ATRNL1: variants seen among roughly 807,000 people sequenced by gnomAD.
ATRNL1 encodes the protein attractin-like protein 1.
In ATRNL1, 95 loss-of-function variants were observed where a neutral mutation model predicts 182.7. That is an observed-to-expected ratio of 0.52 (90% confidence interval 0.44 to 0.62). The LOEUF is 0.62. Ranked by LOEUF, ATRNL1 falls within the 20% of genes least tolerant of loss-of-function variation. The pLI is 0.00. For missense variants in ATRNL1, 1,471 were observed against 1,679.5 expected (o/e 0.88, Z 2.17); for synonymous variants, 576 against 568.3 (o/e 1.01, Z -0.19).
At chr10:115,630,962 G>GCCAGACAC (rs1404872732) in intron 26 of ATRNL1, among the ~76,000 whole-genome samples, 2 of 150,628 alleles carry the variant, frequency 1.3e-5, no homozygotes, top group African/African-American at 4.9e-5. Flanking sequence ...AGTGAAATAA[G>GCCAGACAC]CCAGACACCA....
At chr10:115,123,364 C>G (rs746955436) in intron 3 of ATRNL1, among the ~76,000 whole-genome samples, 3 of 152,144 alleles carry the variant, frequency 2.0e-5, no homozygotes, top group African/African-American at 7.2e-5. Flanking sequence ...AAGTTATTTG[C>G]TTCTAATAGA....
At chr10:115,537,093 C>T (rs542808403) in intron 25 of ATRNL1, among the ~76,000 whole-genome samples, 4 of 152,176 alleles carry the variant, frequency 2.6e-5, no homozygotes, top group African/African-American at 4.8e-5. Context: ...TAGGAATTTT[C>T]TCCATGGTTT....
chr10:115,265,233 T>C lies in ATRNL1; in HGVS notation c.1728T>C (p.His576=). ...AAATACTACCAAAACCAAATCTTCA[T>C]AGAGATGTCAACAGATTTGGACACT... ...EWKILPKPNL[H]RDVNRFGHSA... The change falls in exon 11 of 29, where the codon CAT becomes CAC. Residue 576 remains histidine (H), a synonymous_variant. Transcript: ENST00000355044. 2 of 1,609,306 alleles carry C rather than the reference T, an allele frequency of 1.2e-6. No homozygotes were observed. Among genetic ancestry groups the C allele is most frequent in the African/African-American group, 1.3e-5 (1 of 74,886 alleles).
intron 26 of ATRNL1, among the ~76,000 whole-genome samples, chr10:115,608,732 C>T (rs1342929932): frequency 6.6e-6 from 1 of 151,682 alleles, no homozygotes; most frequent in African/African-American, 2.4e-5. Flanking sequence ...ATTATGAAAA[C>T]GTTAGTTCTT....
intron 26 of ATRNL1, among the ~76,000 whole-genome samples, chr10:115,694,665 A>C (rs190503181): frequency 2.6e-5 from 4 of 152,232 alleles, no homozygotes; most frequent in African/African-American, 9.6e-5. Flanking sequence ...GCTTATTTAA[A>C]CATGATTTGA....
At position 115,676,584 on chromosome 10, in the gene ATRNL1, G is replaced by GTATATATA. The variant is rs143315406; in HGVS notation, c.3796-50656_3796-50649dup. Among the ~76,000 whole-genome samples, 465 of 150,232 alleles carry GTATATATA rather than the reference G, an allele frequency of 3.1e-3. 4 individuals carry two copies. The highest frequency in any genetic ancestry group is 0.011 in the African/African-American group (454 of 41,068). ...ATTATCTACAACTGTATCTGTATAT[G>GTATATATA]TATATATATATATATTTATGATTCA... On this transcript the variant is annotated intron_variant, in intron 26 of 28. Coordinates refer to ENST00000355044, the MANE Select transcript of ATRNL1 (RefSeq NM_207303.4).
intron 15 of ATRNL1, among the ~76,000 whole-genome samples, chr10:115,292,809 A>G (rs970236183): frequency 2.0e-5 from 3 of 152,090 alleles, no homozygotes; most frequent in East Asian, 3.8e-4. Flanking sequence ...AATGTTCCAC[A>G]TGCTGATGAA....
chr10:115,547,261 A>ATATATAT (rs1417204395), intron 25 of ATRNL1, among the ~76,000 whole-genome samples: 1 of 138,380 alleles, frequency 7.2e-6, no homozygotes, highest in Non-Finnish European at 1.5e-5. Flanking sequence ...TCTCAAAAAA[A>ATATATAT]AAATATATAT....
intron 8 of ATRNL1, among the ~76,000 whole-genome samples, chr10:115,197,691 C>T (rs1235277125): frequency 6.6e-6 from 1 of 152,052 alleles, no homozygotes; most frequent in Non-Finnish European, 1.5e-5. Flanking sequence ...CTGGGGAATC[C>T]ATATGTAGGA....
At chr10:115,589,391 T>C (rs1405774072) in intron 26 of ATRNL1, among the ~76,000 whole-genome samples, 1 of 152,172 alleles carries the variant, frequency 6.6e-6, no homozygotes, top group Non-Finnish European at 1.5e-5. Flanking sequence ...TTATTCACAT[T>C]ATTTTACAAT....
At chr10:115,852,739 G>T (rs1555100846) in intron 28 of ATRNL1, among the ~76,000 whole-genome samples, 1 of 152,164 alleles carries the variant, frequency 6.6e-6, no homozygotes. Flanking sequence ...TAAATCCAGA[G>T]TCAAGGAGGA....
At chr10:115,097,974 G>T (rs1172947887) in intron 1 of ATRNL1, among the ~76,000 whole-genome samples, 1 of 152,060 alleles carries the variant, frequency 6.6e-6, no homozygotes, top group African/African-American at 2.4e-5. Context: ...ATATATATAT[G>T]CATATGTAAA....
chr10:115,892,339 T>C (rs1459488417), intron 28 of ATRNL1, among the ~76,000 whole-genome samples: 1 of 152,224 alleles, frequency 6.6e-6, no homozygotes, highest in African/African-American at 2.4e-5. Flanking sequence ...GGGGGATTTA[T>C]AGTTTCCAAA....
chr10:115,153,221 G>T (rs1846330258), intron 5 of ATRNL1, among the ~76,000 whole-genome samples: 1 of 152,140 alleles, frequency 6.6e-6, no homozygotes, highest in African/African-American at 2.4e-5. Context: ...TCAGGATGAT[G>T]CTGGCCTCAT....
chr10:115,408,299 G>A (rs558952384), intron 20 of ATRNL1, among the ~76,000 whole-genome samples: 318 of 152,248 alleles, frequency 2.1e-3, no homozygotes, highest in Non-Finnish European at 3.1e-3. Flanking sequence ...CACCGCGCCC[G>A]GCCTGATTTG....
Position 115,286,199 on chromosome 10 carries a change from A to G in ATRNL1, c.2234-17A>G. 1 of 1,373,256 alleles carries G rather than the reference A, an allele frequency of 7.3e-7. No homozygotes were observed. The highest frequency in any genetic ancestry group is 1.0e-6 in the Non-Finnish European group (1 of 982,940). The allele number at this position is 1,373,256 out of a possible 1,614,324, so 85.1% of individuals were successfully genotyped here. A position where few individuals can be genotyped will look rare whatever the true frequency, so the allele number is the denominator to read the frequency against. On this transcript the variant is annotated splice_polypyrimidine_tract_variant and intron_variant, in intron 14 of 28. Coordinates refer to ENST00000355044, the MANE Select transcript of ATRNL1 (RefSeq NM_207303.4). ...TTTTGGTAATCTAACAATAAGACAC[A>G]TTTTTTTTCTTACTAGCTCATCTTT... is the stretch of plus-strand genomic sequence containing the variant.
chr10:115,627,182 A>G (rs1858162732), intron 26 of ATRNL1, among the ~76,000 whole-genome samples: 1 of 152,112 alleles, frequency 6.6e-6, no homozygotes, highest in Non-Finnish European at 1.5e-5. Context: ...CCCACTAAGC[A>G]GTTGCTCCCC....
intron 21 of ATRNL1, among the ~76,000 whole-genome samples, chr10:115,429,679 TA>T (rs1168705249): frequency 1.3e-5 from 2 of 152,238 alleles, no homozygotes; most frequent in African/African-American, 4.8e-5. Context: ...TAGTTGTTTA[TA>T]TTTTAATTTA....
chr10:115,861,030 T>C (rs1951303840), intron 28 of ATRNL1, among the ~76,000 whole-genome samples: 1 of 152,114 alleles, frequency 6.6e-6, no homozygotes, highest in Middle Eastern at 3.2e-3. Flanking sequence ...ATATTATTGA[T>C]TCAAGAGACA....
Sources: allele counts gnomAD v4.1 joint callset (sites outside exome capture counted in the v4.1 genomes callset), GRCh38; gene constraint gnomAD v4.1.1; transcripts MANE v1.5; gene names NCBI Gene and HGNC (gene_info 2026-07-23, HGNC 2026-07-21).